The following PCCA variants were observed in gnomAD, a reference collection of about 807,000 sequenced individuals.
The protein encoded by PCCA is propionyl-CoA carboxylase alpha chain, mitochondrial.
In PCCA, 74 loss-of-function variants were observed where a neutral mutation model predicts 101.3. The ratio of observed to expected loss-of-function variants is 0.73; its 90% confidence interval spans 0.61 to 0.89. The LOEUF is 0.89. PCCA is among the 40% of genes least tolerant of loss of function. The pLI, the probability that PCCA is intolerant of heterozygous loss-of-function variation, is 0.00. For missense variants in PCCA, 891 were observed against 907.0 expected, an observed-to-expected ratio of 0.98 and a Z score of 0.23; for synonymous variants, 294 against 313.6, an observed-to-expected ratio of 0.94 and a Z score of 0.66.
rs910061162 is a variant in PCCA at position 100,217,802 on chromosome 13, G to A, written c.600+8339G>A. 2.7e-5 allele frequency among the ~76,000 whole-genome samples: 4 copies of A among 146,632 alleles called. No individual in the cohort carries two copies. The East Asian group carries it at 6.0e-4, about 22-fold the overall frequency. ...CCCTGGGGGCGGAGGTTTTTTGTGT[G>A]TGTGTGGCTGAGTGATATTCAATTG... On this transcript the variant is annotated intron_variant, in intron 7 of 23. Transcript: ENST00000376285.
Position 100,165,496 on chromosome 13 carries a change from AT to A in PCCA, c.468+8162del, listed in dbSNP as rs918686945. 1.7e-3 allele frequency among the ~76,000 whole-genome samples: 252 copies of A among 152,242 alleles called. 1 individual carries two copies. The highest frequency in any genetic ancestry group is 5.8e-3 in the African/African-American group (241 of 41,548). ...TGCACAGACTTGTGGGAGTATTAAT[AT>A]TTTTTCCCCTCACATTTTCTTTAAT... On this transcript the variant is annotated intron_variant, in intron 6 of 23. Coordinates refer to ENST00000376285, the MANE Select transcript of PCCA (RefSeq NM_000282.4).
chr13:100,203,250 G>A (rs1253532442), intron 6 of PCCA, among the ~76,000 whole-genome samples: 1 of 150,658 alleles, frequency 6.6e-6, no homozygotes, highest in Non-Finnish European at 1.5e-5. Flanking sequence ...CTCCAGCCTG[G>A]GTGACAGAGT....
chr13:100,432,330 C>T (rs796310742), intron 20 of PCCA, among the ~76,000 whole-genome samples: 28 of 152,224 alleles, frequency 1.8e-4, no homozygotes, highest in South Asian at 8.3e-4. Context: ...GATGATTTTT[C>T]GCTTAATACG....
chr13:100,435,923 A>T (rs1314289976), intron 20 of PCCA, among the ~76,000 whole-genome samples: 1 of 152,066 alleles, frequency 6.6e-6, no homozygotes, highest in African/African-American at 2.4e-5. Flanking sequence ...CATGCCTGTA[A>T]TCCCATCTAC....
chr13:100,354,983 C>T (rs1270125692), intron 18 of PCCA, among the ~76,000 whole-genome samples: 2 of 152,064 alleles, frequency 1.3e-5, no homozygotes, highest in Non-Finnish European at 1.5e-5. Context: ...CATCATGATT[C>T]CAAAACCAGA....
intron 18 of PCCA, among the ~76,000 whole-genome samples, chr13:100,354,130 G>C (rs769442050): frequency 7.3e-6 from 1 of 137,114 alleles, no homozygotes; most frequent in Non-Finnish European, 1.6e-5. Flanking sequence ...AAAATAATTC[G>C]CTGGGTGTGG....
At chr13:100,307,154 A>G (rs202049172) in intron 14 of PCCA, 38 bp from the exon 15 acceptor site, 12 of 1,455,774 alleles carry the variant, frequency 8.2e-6, no homozygotes, top group Non-Finnish European at 1.1e-5. Context: ...TATCTACACA[A>G]TATGAATTAC....
At chr13:100,457,058 G>A (rs1315135062) in intron 21 of PCCA, among the ~76,000 whole-genome samples, 5 of 152,082 alleles carry the variant, frequency 3.3e-5, no homozygotes, top group Non-Finnish European at 7.4e-5. Flanking sequence ...TGCCTTCTAG[G>A]TCACTTCTCA....
chr13:100,179,588 A>T (rs780539535), intron 6 of PCCA, among the ~76,000 whole-genome samples: 1 of 152,112 alleles, frequency 6.6e-6, no homozygotes, highest in Non-Finnish European at 1.5e-5. Context: ...GCAGCTCCTT[A>T]AATTGTTTAA....
chr13:100,108,749 G>A (rs2048037198), intron 2 of PCCA, among the ~76,000 whole-genome samples: 1 of 152,170 alleles, frequency 6.6e-6, no homozygotes, highest in Non-Finnish European at 1.5e-5. Context: ...TTAAGGTTGG[G>A]TTTAATTGAT....
chr13:100,154,742 G>T (rs1212455489), intron 4 of PCCA: 10 of 494,414 alleles, frequency 2.0e-5, no homozygotes, highest in Non-Finnish European at 3.3e-5. Flanking sequence ...AGAGATAGGG[G>T]ATATTATGGA....
At chr13:100,465,828 A>G (rs1323042653) in intron 21 of PCCA, among the ~76,000 whole-genome samples, 1 of 152,270 alleles carries the variant, frequency 6.6e-6, no homozygotes, top group African/African-American at 2.4e-5. Flanking sequence ...CAAAGTACAC[A>G]TGTCATGACC....
At chr13:100,529,643 C>A (rs1193166231) in intron 23 of PCCA, among the ~76,000 whole-genome samples, 9 of 152,168 alleles carry the variant, frequency 5.9e-5, no homozygotes, top group African/African-American at 2.2e-4. Flanking sequence ...TACTCAGCAG[C>A]TGATCTGACT....
Position 100,404,177 on chromosome 13 carries a change from A to G in PCCA, c.1747-21456A>G, listed in dbSNP as rs565697932. ...CAAACCGGGTTGTTAGAAAACATGT[A>G]TCAAAAGGAAACCAGAGGACGGGTA... On this transcript the variant is annotated intron_variant, in intron 19 of 23. Coordinates refer to ENST00000376285, the MANE Select transcript of PCCA (RefSeq NM_000282.4). Among the ~76,000 whole-genome samples the G allele has an allele frequency of 6.6e-5, 10 of 152,302 alleles. 2 individuals are homozygous for G. In the South Asian group the frequency reaches 2.1e-3, roughly 32 times the overall value.
intron 21 of PCCA, among the ~76,000 whole-genome samples, chr13:100,481,563 TAAA>T (rs941659473): frequency 2.0e-5 from 3 of 151,634 alleles, no homozygotes; most frequent in Non-Finnish European, 4.4e-5. Context: ...GTCTCAAAAA[TAAA>T]AAAGGAACCT....
In PCCA at chr13:100,460,526, A is replaced by C. The variant is rs147354766; in HGVS notation, c.1899+11221A>C. 5.4e-4 allele frequency among the ~76,000 whole-genome samples: 82 copies of C among 152,346 alleles called. 1 individual carries two copies. In the East Asian group the frequency reaches 0.012, roughly 23 times the overall value. The stretch of plus-strand genomic sequence containing the variant: ...AACGATCAAATTTTCAGTATCTTTG[A>C]AGCTTAGCCAGAGATCTAATGAAAC... On this transcript the variant is annotated intron_variant, in intron 21 of 23. Transcript: ENST00000376285.
chr13:100,177,971 T>C (rs78727755), intron 6 of PCCA, among the ~76,000 whole-genome samples: 2,948 of 152,284 alleles, frequency 0.019, 38 homozygotes, highest in South Asian at 0.034. Context: ...AACAGTTCTA[T>C]GTAGTAGTAG....
chr13:100,448,427 G>A (rs952032111), intron 20 of PCCA, among the ~76,000 whole-genome samples: 1 of 152,076 alleles, frequency 6.6e-6, no homozygotes, highest in Non-Finnish European at 1.5e-5. Context: ...TCCTCACCTC[G>A]TGATCCGCCT....
At chr13:100,246,971 C>T (rs1290713788) in intron 8 of PCCA, among the ~76,000 whole-genome samples, 3 of 149,468 alleles carry the variant, frequency 2.0e-5, no homozygotes, top group South Asian at 2.1e-4. Flanking sequence ...TGCAATGGTG[C>T]GATCTTGGCT....
Sources: allele counts gnomAD v4.1 joint callset (sites outside exome capture counted in the v4.1 genomes callset), GRCh38; gene constraint gnomAD v4.1.1; transcripts MANE v1.5; gene names NCBI Gene and HGNC (gene_info 2026-07-23, HGNC 2026-07-21).